Variants in LRP1B observed in about 807,000 individuals in gnomAD.
The protein encoded by LRP1B is low-density lipoprotein receptor-related protein 1B.
LRP1B carries 217 observed loss-of-function variants against 556.6 expected under a neutral mutation model. The observed-to-expected ratio is 0.39, with a 90% confidence interval of 0.35 to 0.44. The LOEUF (loss-of-function observed/expected upper bound fraction) is 0.44, where lower values mean the gene tolerates loss of function less well. Among genes scored for constraint, LRP1B ranks in the 20% least tolerant of loss-of-function variants. LRP1B has a pLI of 1.00. For synonymous variants in LRP1B, 2,047 were observed against 1,865.8 expected, an observed-to-expected ratio of 1.10 and a Z score of -2.50; for missense variants, 5,053 against 5,620.8, an observed-to-expected ratio of 0.90 and a Z score of 3.23.
At chr2:140,602,882 G>A (rs180879748) in intron 41 of LRP1B, among the ~76,000 whole-genome samples, 55 of 151,946 alleles carry the variant, frequency 3.6e-4, no homozygotes, top group African/African-American at 1.1e-3. Context: ...AATAAAATGT[G>A]AAGTTTGTGT....
chr2:141,116,684 A>C (rs545856335), intron 7 of LRP1B, among the ~76,000 whole-genome samples: 17 of 151,888 alleles, frequency 1.1e-4, no homozygotes, highest in Non-Finnish European at 1.9e-4. Flanking sequence ...TGAAGTATGT[A>C]TTTGATTTCC....
intron 1 of LRP1B, among the ~76,000 whole-genome samples, chr2:142,013,658 A>G (rs1703026953): frequency 6.6e-6 from 1 of 152,168 alleles, no homozygotes; most frequent in East Asian, 1.9e-4. Flanking sequence ...GAAGGATGAT[A>G]AATAAAACTT....
chr2:141,936,563 A>G (rs1466101142), intron 1 of LRP1B, among the ~76,000 whole-genome samples: 1 of 152,168 alleles, frequency 6.6e-6, no homozygotes, highest in African/African-American at 2.4e-5. Context: ...ATAGTGAGAA[A>G]ATAAATTCCT....
At chr2:140,500,254 A>T (rs1408945297) in intron 55 of LRP1B, among the ~76,000 whole-genome samples, 1 of 151,962 alleles carries the variant, frequency 6.6e-6, no homozygotes, top group African/African-American at 2.4e-5. Flanking sequence ...GCAGGAATTT[A>T]TTATTGTGGT....
At chr2:141,279,691 C>T (rs1685438029) in intron 3 of LRP1B, among the ~76,000 whole-genome samples, 1 of 152,070 alleles carries the variant, frequency 6.6e-6, no homozygotes, top group South Asian at 2.1e-4. Flanking sequence ...GCTATCCTCT[C>T]AACGAAGATG....
intron 7 of LRP1B, among the ~76,000 whole-genome samples, chr2:141,117,246 T>C (rs981486873): frequency 6.6e-6 from 1 of 151,844 alleles, no homozygotes; most frequent in Non-Finnish European, 1.5e-5. Context: ...ATTTTTTTTT[T>C]TTTTTTTTAA....
intron 83 of LRP1B, among the ~76,000 whole-genome samples, chr2:140,305,379 G>T (rs1456512077): frequency 6.6e-6 from 1 of 152,140 alleles, no homozygotes; most frequent in Admixed American, 6.5e-5. Flanking sequence ...CACATCCCTT[G>T]TAAGTTGGAT....
chr2:141,533,011 A>G (rs1684943387), intron 2 of LRP1B, among the ~76,000 whole-genome samples: 1 of 152,028 alleles, frequency 6.6e-6, no homozygotes, highest in Non-Finnish European at 1.5e-5. Context: ...AAGCAAGAAC[A>G]TTATAAAGGT....
chr2:141,896,377 T>G (rs998640484), intron 1 of LRP1B, among the ~76,000 whole-genome samples: 2 of 152,178 alleles, frequency 1.3e-5, no homozygotes, highest in African/African-American at 4.8e-5. Flanking sequence ...CAACTAAATC[T>G]AAACTAACTC....
At chr2:140,665,375 A>G (rs1685231670) in intron 41 of LRP1B, among the ~76,000 whole-genome samples, 1 of 152,180 alleles carries the variant, frequency 6.6e-6, no homozygotes. Flanking sequence ...AGCAGATTTG[A>G]ATTTATACCT....
intron 1 of LRP1B, among the ~76,000 whole-genome samples, chr2:141,920,288 G>GGC (rs1558962131): frequency 1.7e-5 from 2 of 120,736 alleles, no homozygotes; most frequent in African/African-American, 5.7e-5. Flanking sequence ...TTGGGGGGGG[G>GGC]TGGTAGGGAT....
In LRP1B at chr2:142,115,827, TATC is replaced by T. The variant is rs1474035888; in HGVS notation, c.82+14818_82+14820del. On this transcript the variant is annotated intron_variant, in intron 1 of 90. Transcript: ENST00000389484. Reference sequence around the variant, plus strand: ...ATATATATCATATATATGTAATATATATCATATATATGTAATATATATATATAC... The same window carrying T: ...ATATATATCATATATATGTAATATATATATATATGTAATATATATATATAC... 5.2e-4 allele frequency among the ~76,000 whole-genome samples: 4 copies of T among 7,660 alleles called. 1 individual carries two copies. The highest frequency in any genetic ancestry group is 1.2e-3 in the African/African-American group (4 of 3,310). 5.0% of individuals were successfully genotyped at this position (7,660 alleles called of 152,430 possible).
In LRP1B at chr2:140,393,095, T is replaced by G. The variant is rs181523755; in HGVS notation, c.10415-7086A>C. On this transcript the variant is annotated intron_variant, in intron 66 of 90. Coordinates refer to ENST00000389484, the MANE Select transcript of LRP1B (RefSeq NM_018557.3). ...CGCACACACCACCAAGCCTGGCTAA[T>G]TTGTTTTCTTTTATTTTTTGTAGAG... Among the ~76,000 whole-genome samples, 320 of 152,006 alleles carry G rather than the reference T, an allele frequency of 2.1e-3. 2 individuals are homozygous for G. Among genetic ancestry groups the G allele is most frequent in the Non-Finnish European group, 3.5e-3 (240 of 67,982 alleles).
intron 27 of LRP1B, among the ~76,000 whole-genome samples, chr2:140,859,742 C>T (rs1322926882): frequency 6.6e-6 from 1 of 152,010 alleles, no homozygotes; most frequent in East Asian, 1.9e-4. Context: ...CGACTGTAAT[C>T]CTAGCACTTT....
intron 41 of LRP1B, among the ~76,000 whole-genome samples, chr2:140,652,980 C>T (rs1684742742): frequency 6.6e-6 from 1 of 151,836 alleles, no homozygotes; most frequent in South Asian, 2.1e-4. Context: ...TAGATATTTA[C>T]AAAATCTAAG....
intron 3 of LRP1B, among the ~76,000 whole-genome samples, chr2:141,327,040 A>G (rs1573810160): frequency 6.6e-6 from 1 of 152,152 alleles, no homozygotes; most frequent in East Asian, 1.9e-4. Context: ...AATGAGAGAT[A>G]AATGAGATGA....
intron 2 of LRP1B, among the ~76,000 whole-genome samples, chr2:141,638,934 TACAC>T (rs1216353572): frequency 4.5e-5 from 2 of 43,976 alleles, no homozygotes; most frequent in Non-Finnish European, 9.6e-5. Context: ...CACATATACA[TACAC>T]ACACGCACAT....
At chr2:141,186,032 T>C (rs1402296685) in intron 7 of LRP1B, among the ~76,000 whole-genome samples, 1 of 139,002 alleles carries the variant, frequency 7.2e-6, no homozygotes, top group African/African-American at 2.7e-5. Flanking sequence ...TGAGAGGAGA[T>C]TGTGCCACTG....
chr2:141,827,214 G>A (rs1238223620), intron 1 of LRP1B, among the ~76,000 whole-genome samples: 4 of 152,342 alleles, frequency 2.6e-5, no homozygotes, highest in Admixed American at 2.6e-4. Flanking sequence ...TTCATAGACA[G>A]AAGTTCTTTT....
Sources: allele counts gnomAD v4.1 joint callset (sites outside exome capture counted in the v4.1 genomes callset), GRCh38; gene constraint gnomAD v4.1.1; transcripts MANE v1.5; gene names NCBI Gene and HGNC (gene_info 2026-07-23, HGNC 2026-07-21).